The following WWOX variants were observed in gnomAD, a reference collection of about 807,000 sequenced individuals.
WWOX encodes the protein WW domain containing oxidoreductase.
A neutral mutation model predicts 46.2 loss-of-function variants in WWOX; 69 were observed. That is an observed-to-expected ratio of 1.49 (90% CI 1.23 to 1.82). The LOEUF (loss-of-function observed/expected upper bound fraction) is 1.82. WWOX is among the 40% of genes most tolerant of loss of function. The pLI, the probability that WWOX is intolerant of heterozygous loss-of-function variation, is 0.00. For synonymous variants in WWOX, 359 were observed against 202.6 expected, an observed-to-expected ratio of 1.77 and a Z score of -6.56; for missense variants, 919 against 542.6, an observed-to-expected ratio of 1.69 and a Z score of -6.89.
intron 5 of WWOX, among the ~76,000 whole-genome samples, chr16:78,203,740 G>T (rs2036306120): frequency 6.6e-6 from 1 of 152,218 alleles, no homozygotes; most frequent in Middle Eastern, 3.4e-3. Flanking sequence ...AAATAATGAG[G>T]CTCAATGTTC....
At chr16:78,975,836 G>A (rs182860712) in intron 8 of WWOX, among the ~76,000 whole-genome samples, 34 of 152,166 alleles carry the variant, frequency 2.2e-4, no homozygotes, top group African/African-American at 8.2e-4. Context: ...CAAGACCTCT[G>A]GCTCCTAGAA....
At chr16:79,095,560 T>C (rs1330148578) in intron 8 of WWOX, among the ~76,000 whole-genome samples, 3 of 152,180 alleles carry the variant, frequency 2.0e-5, no homozygotes, top group Middle Eastern at 3.4e-3. Context: ...GGAGCTGACA[T>C]TGCATAAATA....
At chr16:78,617,373 G>A (rs2046051857) in intron 8 of WWOX, among the ~76,000 whole-genome samples, 1 of 148,348 alleles carries the variant, frequency 6.7e-6, no homozygotes, top group Non-Finnish European at 1.5e-5. Context: ...CTGCACCCCA[G>A]CCTGGGCCAC....
chr16:78,697,938 A>G (rs2048135577), intron 8 of WWOX, among the ~76,000 whole-genome samples: 2 of 152,194 alleles, frequency 1.3e-5, no homozygotes, highest in Admixed American at 1.3e-4. Context: ...CCTGTAAGCA[A>G]GAATCACTCC....
chr16:79,180,636 CTTCT>C (rs1327886807), intron 8 of WWOX, among the ~76,000 whole-genome samples: 1 of 150,976 alleles, frequency 6.6e-6, no homozygotes, highest in East Asian at 1.9e-4. Context: ...GCTTAATTTG[CTTCT>C]TTCTTTTTCT....
At chr16:78,614,240 T>C (rs1347842380) in intron 8 of WWOX, among the ~76,000 whole-genome samples, 1 of 152,210 alleles carries the variant, frequency 6.6e-6, no homozygotes, top group Non-Finnish European at 1.5e-5. Flanking sequence ...GACAGCCTTT[T>C]GGGTTTCATA....
chr16:78,257,827 CTA>C (rs2038172597), intron 5 of WWOX, among the ~76,000 whole-genome samples: 1 of 152,156 alleles, frequency 6.6e-6, no homozygotes, highest in Admixed American at 6.5e-5. Flanking sequence ...GATTCTGGTA[CTA>C]TCTCATTTAT....
chr16:78,812,633 C>G (rs768113071), intron 8 of WWOX, among the ~76,000 whole-genome samples: 1 of 151,804 alleles, frequency 6.6e-6, no homozygotes, highest in Non-Finnish European at 1.5e-5. Context: ...GGCTGACGCG[C>G]GAGAATCACT....
At chr16:78,780,224 A>G (rs1251968881) in intron 8 of WWOX, among the ~76,000 whole-genome samples, 1 of 152,016 alleles carries the variant, frequency 6.6e-6, no homozygotes, top group East Asian at 1.9e-4. Flanking sequence ...CACCCATACC[A>G]TTCTTAACAT....
intron 8 of WWOX, among the ~76,000 whole-genome samples, chr16:79,210,235 C>CCAAA (rs746942136): frequency 5.9e-5 from 9 of 152,188 alleles, no homozygotes; most frequent in African/African-American, 2.2e-4. Flanking sequence ...GAAGCTAAAA[C>CCAAA]CAAACAACAA....
intron 8 of WWOX, among the ~76,000 whole-genome samples, chr16:78,770,005 C>G (rs111803891): frequency 6.6e-6 from 1 of 152,030 alleles, no homozygotes; most frequent in African/African-American, 2.4e-5. Flanking sequence ...GATCTCACCT[C>G]TGTACTACAG....
chr16:78,445,455 C>G (rs1389999517), intron 8 of WWOX, among the ~76,000 whole-genome samples: 1 of 152,178 alleles, frequency 6.6e-6, no homozygotes, highest in East Asian at 1.9e-4. Context: ...TCCCTGTCCT[C>G]ATGGGGACCG....
At chr16:78,702,007 T>TTATATATATGTATATATATATA (rs1555519490) in intron 8 of WWOX, among the ~76,000 whole-genome samples, 23 of 57,624 alleles carry the variant, frequency 4.0e-4, no homozygotes, top group African/African-American at 1.5e-3. Flanking sequence ...CTACATAAAA[T>TTATATATATGTATATATATATA]TATATATATA....
intron 8 of WWOX, among the ~76,000 whole-genome samples, chr16:78,797,162 C>T (rs1018173754): frequency 6.6e-6 from 1 of 151,874 alleles, no homozygotes; most frequent in Non-Finnish European, 1.5e-5. Flanking sequence ...GGAAATCGTA[C>T]CTGCCCTGTC....
At chr16:78,735,873 T>C (rs1207100664) in intron 8 of WWOX, among the ~76,000 whole-genome samples, 1 of 152,224 alleles carries the variant, frequency 6.6e-6, no homozygotes, top group African/African-American at 2.4e-5. Context: ...GCCAGGGATC[T>C]GAGTCCCTTC....
At chr16:78,628,326 G>T (rs2046354931) in intron 8 of WWOX, among the ~76,000 whole-genome samples, 1 of 152,104 alleles carries the variant, frequency 6.6e-6, no homozygotes. Context: ...CAGAATCTCA[G>T]CCTTCCAGCA....
intron 8 of WWOX, among the ~76,000 whole-genome samples, chr16:79,042,176 A>C (rs1008085435): frequency 2.6e-5 from 4 of 152,098 alleles, no homozygotes; most frequent in Admixed American, 1.3e-4. Flanking sequence ...AGATGCACAC[A>C]GTGATTGAGT....
At chr16:78,519,435 C>G (rs1451774481) in intron 8 of WWOX, among the ~76,000 whole-genome samples, 1 of 152,012 alleles carries the variant, frequency 6.6e-6, no homozygotes, top group Non-Finnish European at 1.5e-5. Flanking sequence ...AACATGTTAA[C>G]AGTCTAATGT....
At chr16:78,267,883 T>G (rs377138673) in intron 5 of WWOX, among the ~76,000 whole-genome samples, 51 of 152,228 alleles carry the variant, frequency 3.4e-4, no homozygotes, top group African/African-American at 1.1e-3. Context: ...CATGGTGCAA[T>G]CTCAAGTCAC....
Sources: allele counts gnomAD v4.1 joint callset (sites outside exome capture counted in the v4.1 genomes callset), GRCh38; gene constraint gnomAD v4.1.1; transcripts MANE v1.5; gene names NCBI Gene and HGNC (gene_info 2026-07-23, HGNC 2026-07-21).